DZIP3: variants seen among roughly 807,000 people sequenced by gnomAD.
The protein encoded by DZIP3 is DAZ interacting zinc finger protein 3, also known as E3 ubiquitin-protein ligase DZIP3.
In DZIP3, 118 loss-of-function variants were observed where a neutral mutation model predicts 162.0. That is an observed-to-expected ratio of 0.73 (90% confidence interval 0.63 to 0.85). The LOEUF (loss-of-function observed/expected upper bound fraction) is 0.85, where lower values mean the gene tolerates loss of function less well. Among genes scored for constraint, DZIP3 ranks in the 40% least tolerant of loss-of-function variants. DZIP3 has a pLI of 0.00. For missense variants in DZIP3, 1,331 were observed against 1,407.0 expected, an observed-to-expected ratio of 0.95 and a Z score of 0.86; for synonymous variants, 438 against 458.6, an observed-to-expected ratio of 0.96 and a Z score of 0.57.
chr3:108,607,326 CAAAT>C (rs1940438392), intron 2 of DZIP3, among the ~76,000 whole-genome samples: 1 of 152,060 alleles, frequency 6.6e-6, no homozygotes, highest in Non-Finnish European at 1.5e-5. Flanking sequence ...AATGTAAAGT[CAAAT>C]AAGAGAATAT....
At chr3:108,611,415 T>C (rs1297829255) in intron 4 of DZIP3, 86 bp downstream of exon 4, 2 of 1,494,776 alleles carry the variant, frequency 1.3e-6, no homozygotes, top group African/African-American at 1.4e-5. Context: ...AACCACACAG[T>C]ATAGCCAAGG....
rs143833993 is a variant in DZIP3 at position 108,622,949 on chromosome 3, C to G, written c.376-1495C>G. On this transcript the variant is annotated intron_variant, in intron 5 of 32. Coordinates refer to ENST00000361582, the MANE Select transcript of DZIP3 (RefSeq NM_014648.4). ...GGTGACACAAGCATTCTTGTGGCCA[C>G]GACCACTGAGACTCCTCTAGTTCAG... Among the ~76,000 whole-genome samples, 76 of 149,642 alleles carry G rather than the reference C, an allele frequency of 5.1e-4. 1 individual carries two copies. The East Asian group carries it at 8.7e-3, about 17-fold the overall frequency.
intron 13 of DZIP3, among the ~76,000 whole-genome samples, chr3:108,643,521 G>T (rs1233513088): frequency 1.3e-5 from 2 of 151,498 alleles, no homozygotes; most frequent in Admixed American, 1.3e-4. Context: ...TCAGGTGGAT[G>T]CTTGATGCTG....
intron 1 of DZIP3, among the ~76,000 whole-genome samples, chr3:108,599,569 C>A (rs986844606): frequency 6.6e-6 from 1 of 152,140 alleles, no homozygotes; most frequent in East Asian, 1.9e-4. Context: ...CACTAACATA[C>A]GAGAAATAAA....
At chr3:108,687,602 T>A (rs562731605) in intron 28 of DZIP3, among the ~76,000 whole-genome samples, 23 of 152,274 alleles carry the variant, frequency 1.5e-4, no homozygotes, top group African/African-American at 5.1e-4. Context: ...TAAAAATAAA[T>A]ATGTTATCCT....
At chr3:108,619,536 A>C (rs1941216777) in intron 5 of DZIP3, among the ~76,000 whole-genome samples, 1 of 152,066 alleles carries the variant, frequency 6.6e-6, no homozygotes, top group Non-Finnish European at 1.5e-5. Flanking sequence ...ACCAGGTATA[A>C]ATCCAAGGAT....
intron 21 of DZIP3, among the ~76,000 whole-genome samples, chr3:108,663,099 G>A (rs1424932229): frequency 1.3e-5 from 2 of 152,108 alleles, no homozygotes; most frequent in African/African-American, 4.8e-5. Context: ...ACTACATGAA[G>A]GGGTTATCAG....
chr3:108,632,977 A>G lies in DZIP3; in HGVS notation c.721A>G (p.Thr241Ala). 1 of 1,429,620 alleles carries G rather than the reference A, an allele frequency of 7.0e-7. No individual in the cohort carries two copies. The highest frequency in any genetic ancestry group is 2.5e-5 in the East Asian group (1 of 39,590). 88.6% of individuals were successfully genotyped at this position (1,429,620 alleles called of 1,614,324 possible). The change falls in exon 9 of 33, where the codon ACA becomes GCA. Residue 241 changes from threonine to alanine, a missense_variant. Thr to Ala is a moderately conservative substitution (Grantham distance 58). Transcript: ENST00000361582. ...GGATCTTCTTAATAATTTTATCAAG[A>G]CAACTGAAAGCAATATAATGAAGCA... ...FKDLLNNFIK[T>A]TESNIMKQTI...
At chr3:108,634,813 T>C (rs993811027) in intron 9 of DZIP3, 58 bp from the exon 10 acceptor site, 2 of 969,092 alleles carry the variant, frequency 2.1e-6, no homozygotes, top group Non-Finnish European at 3.0e-6. Context: ...TATAATTTTT[T>C]TTATCTATAC....
intron 9 of DZIP3, among the ~76,000 whole-genome samples, chr3:108,634,307 A>G (rs1189014718): frequency 1.3e-5 from 2 of 152,196 alleles, no homozygotes; most frequent in African/African-American, 2.4e-5. Flanking sequence ...AGCATGCAGC[A>G]GCAGGAATAC....
At chr3:108,598,514 T>G (rs1939824359) in intron 1 of DZIP3, among the ~76,000 whole-genome samples, 1 of 152,166 alleles carries the variant, frequency 6.6e-6, no homozygotes, top group Non-Finnish European at 1.5e-5. Context: ...TCGCTCTGCC[T>G]TCTTACCTAC....
chr3:108,631,052 C>CACACACACAT (rs1168781519), intron 8 of DZIP3, among the ~76,000 whole-genome samples: 54 of 102,332 alleles, frequency 5.3e-4, no homozygotes, highest in Middle Eastern at 4.7e-3. Flanking sequence ...CACACACACA[C>CACACACACAT]ACACTCTCTC....
At chr3:108,669,334 C>A (rs564237878) in intron 21 of DZIP3, among the ~76,000 whole-genome samples, 2 of 152,008 alleles carry the variant, frequency 1.3e-5, no homozygotes, top group South Asian at 4.1e-4. Context: ...CTTAGAAAAT[C>A]AGAAGATACC....
At chr3:108,692,365 T>C (rs185040998) in intron 32 of DZIP3, among the ~76,000 whole-genome samples, 16 of 152,266 alleles carry the variant, frequency 1.1e-4, no homozygotes, top group Non-Finnish European at 2.1e-4. Flanking sequence ...AGAATTTACA[T>C]GTCTGCCCAC....
At chr3:108,687,158 C>T (rs969975399) in intron 28 of DZIP3, among the ~76,000 whole-genome samples, 2 of 152,004 alleles carry the variant, frequency 1.3e-5, no homozygotes, top group African/African-American at 4.8e-5. Context: ...CTACTTTTCA[C>T]AAGTATTTTT....
intron 18 of DZIP3, among the ~76,000 whole-genome samples, chr3:108,652,977 T>G (rs1038028185): frequency 6.6e-6 from 1 of 151,938 alleles, no homozygotes; most frequent in Non-Finnish European, 1.5e-5. Flanking sequence ...TCCTTGTTGT[T>G]AAGCAATGCC....
intron 4 of DZIP3, 108 bp downstream of exon 4, chr3:108,611,437 A>G (rs1401957271): frequency 1.5e-6 from 2 of 1,350,492 alleles, no homozygotes; most frequent in African/African-American, 1.5e-5. Flanking sequence ...CTTGAAAAAA[A>G]TCTCCATCTT....
intron 5 of DZIP3, among the ~76,000 whole-genome samples, chr3:108,618,168 G>C (rs1255316886): frequency 1.3e-5 from 2 of 152,188 alleles, no homozygotes; most frequent in Non-Finnish European, 2.9e-5. Context: ...ATGGGGAGAA[G>C]GTAGGAGAAA....
At chr3:108,604,972 C>A (rs924623619) in intron 1 of DZIP3, among the ~76,000 whole-genome samples, 1 of 152,046 alleles carries the variant, frequency 6.6e-6, no homozygotes, top group African/African-American at 2.4e-5. Context: ...AATTAAATGA[C>A]CAACTATAAG....
Sources: allele counts gnomAD v4.1 joint callset (sites outside exome capture counted in the v4.1 genomes callset), GRCh38; gene constraint gnomAD v4.1.1; transcripts MANE v1.5; gene names NCBI Gene and HGNC (gene_info 2026-07-23, HGNC 2026-07-21).